Variants in NRXN3 observed in about 807,000 individuals in gnomAD.
The protein encoded by NRXN3 is neurexin 3, also known as neurexin III.
NRXN3 carries 32 observed loss-of-function variants against 137.6 expected under a neutral mutation model. The ratio of observed to expected loss-of-function variants is 0.23; its 90% CI spans 0.18 to 0.31. NRXN3 has a LOEUF of 0.31. Ranked by LOEUF, NRXN3 falls within the 10% of genes least tolerant of loss-of-function variation. NRXN3 has a pLI of 1.00. For missense variants in NRXN3, 1,574 were observed against 2,062.5 expected (o/e 0.76, Z 4.59); for synonymous variants, 798 against 784.5 (o/e 1.02, Z -0.29).
intron 15 of NRXN3, among the ~76,000 whole-genome samples, chr14:79,387,007 A>C (rs2153463232): frequency 6.6e-6 from 1 of 152,308 alleles, no homozygotes; most frequent in African/African-American, 2.4e-5. Context: ...CTCTAGAAGA[A>C]AACCTAGGCA....
chr14:78,827,716 C>T (rs973467719), intron 10 of NRXN3, among the ~76,000 whole-genome samples: 1 of 152,202 alleles, frequency 6.6e-6, no homozygotes, highest in Non-Finnish European at 1.5e-5. Flanking sequence ...TGATTTGGGG[C>T]ACTGCAGTGG....
At position 79,431,748 on chromosome 14, in the gene NRXN3, CCTTA is replaced by C. The variant is rs750079982; in HGVS notation, c.3263-35470_3263-35467del. ...TGTACATAAATTTAAAATGAACCTG[CCTTA>C]CTGTTTCTTTTAAAAAAATTAAGAA... On this transcript the variant is annotated intron_variant, in intron 15 of 20. Transcript: ENST00000335750. Among the ~76,000 whole-genome samples, 18 of 152,130 alleles carry C rather than the reference CCTTA, an allele frequency of 1.2e-4. No homozygotes were observed. The East Asian group carries it at 2.9e-3, about 24-fold the overall frequency.
At position 78,875,703 on chromosome 14, in the gene NRXN3, T is replaced by G. The variant is rs200783066; in HGVS notation, c.2275+65359T>G. Among the ~76,000 whole-genome samples, 3 of 152,234 alleles carry G rather than the reference T, an allele frequency of 2.0e-5. No homozygotes were observed. The East Asian group carries it at 5.8e-4, about 29-fold the overall frequency. ...ATTTTAAATACACAGTGTTTTTTTCTGAAAATGCTTTCTCAACCCAGTTAT... is the reference window on the plus strand; with the variant it reads ...ATTTTAAATACACAGTGTTTTTTTCGGAAAATGCTTTCTCAACCCAGTTAT... On this transcript the variant is annotated intron_variant, in intron 10 of 20. Coordinates refer to ENST00000335750, the MANE Select transcript of NRXN3 (RefSeq NM_001330195.2).
At chr14:78,484,043 G>GAT (rs2095520887) in intron 4 of NRXN3, among the ~76,000 whole-genome samples, 1 of 149,280 alleles carries the variant, frequency 6.7e-6, no homozygotes, top group African/African-American at 2.5e-5. Context: ...GAGAGAGAGA[G>GAT]AGAGAGCAAA....
chr14:79,793,498 TA>T (rs918919585), intron 19 of NRXN3, among the ~76,000 whole-genome samples: 11 of 152,230 alleles, frequency 7.2e-5, no homozygotes, highest in Middle Eastern at 3.2e-3. Flanking sequence ...TTCAGGAACA[TA>T]ATCTATTTGT....
intron 15 of NRXN3, among the ~76,000 whole-genome samples, chr14:79,203,313 A>G (rs1336942202): frequency 3.3e-5 from 5 of 152,202 alleles, no homozygotes; most frequent in Admixed American, 1.3e-4. Context: ...AAAAAAGGAT[A>G]TTAGATAGTT....
chr14:79,852,564 G>A (rs921752087), intron 20 of NRXN3, among the ~76,000 whole-genome samples: 1 of 151,980 alleles, frequency 6.6e-6, no homozygotes, highest in Non-Finnish European at 1.5e-5. Context: ...TACTTACGAC[G>A]TACATCCAGA....
chr14:79,410,272 AT>A, intron 15 of NRXN3, among the ~76,000 whole-genome samples: 1 of 152,082 alleles, frequency 6.6e-6, no homozygotes, highest in Non-Finnish European at 1.5e-5. Context: ...CTTCTCATTA[AT>A]TAGACCCTCA....
At chr14:78,540,502 A>G (rs1277496536) in intron 4 of NRXN3, among the ~76,000 whole-genome samples, 1 of 135,362 alleles carries the variant, frequency 7.4e-6, no homozygotes, top group Admixed American at 8.5e-5. Context: ...TTTTGAGCCT[A>G]TATGCATCTT....
intron 15 of NRXN3, among the ~76,000 whole-genome samples, chr14:79,388,934 T>C (rs1047467045): frequency 3.3e-5 from 5 of 152,174 alleles, no homozygotes; most frequent in African/African-American, 1.2e-4. Context: ...CCCTTGCACA[T>C]GCTCTCTTGC....
chr14:79,580,851 A>G (rs1259401158), intron 16 of NRXN3, among the ~76,000 whole-genome samples: 1 of 152,188 alleles, frequency 6.6e-6, no homozygotes, highest in Admixed American at 6.5e-5. Context: ...ACAGAATGAA[A>G]TAGAGTTGGG....
chr14:79,044,751 A>G (rs1448451943), intron 15 of NRXN3, among the ~76,000 whole-genome samples: 1 of 151,900 alleles, frequency 6.6e-6, no homozygotes, highest in Non-Finnish European at 1.5e-5. Context: ...TACAACCTGC[A>G]TCGTCTAATA....
chr14:79,608,903 C>T (rs556504427), intron 16 of NRXN3, among the ~76,000 whole-genome samples: 6 of 151,988 alleles, frequency 3.9e-5, no homozygotes, highest in African/African-American at 1.4e-4. Flanking sequence ...AACTTCAAGA[C>T]CCATTTCTAA....
intron 15 of NRXN3, among the ~76,000 whole-genome samples, chr14:79,287,074 G>C (rs2082389186): frequency 6.6e-6 from 1 of 152,140 alleles, no homozygotes; most frequent in Non-Finnish European, 1.5e-5. Context: ...ATCATTTGCT[G>C]GTTGGTAGAT....
chr14:78,365,968 A>G (rs1053921054), intron 4 of NRXN3, among the ~76,000 whole-genome samples: 2 of 152,196 alleles, frequency 1.3e-5, no homozygotes, highest in Admixed American at 6.5e-5. Context: ...CAAGTGGCTT[A>G]AAACTATGAA....
intron 4 of NRXN3, among the ~76,000 whole-genome samples, chr14:78,552,874 A>G (rs1360990106): frequency 6.6e-6 from 1 of 152,242 alleles, no homozygotes; most frequent in African/African-American, 2.4e-5. Context: ...TCTAGCATTA[A>G]GAAAATATTA....
chr14:79,274,096 C>T (rs868675499), intron 15 of NRXN3, among the ~76,000 whole-genome samples: 243 of 141,630 alleles, frequency 1.7e-3, no homozygotes, highest in African/African-American at 6.2e-3. Flanking sequence ...AGCAAGACTC[C>T]GTCTCAAAAA....
rs371507860 is a variant in NRXN3, at chr14:78,858,722, T to C, written c.2275+48378T>C. 8.9e-4 allele frequency among the ~76,000 whole-genome samples: 136 copies of C among 152,308 alleles called. 1 individual carries two copies. Among genetic ancestry groups the C allele is most frequent in the African/African-American group, 3.1e-3 (127 of 41,560 alleles). On this transcript the variant is annotated intron_variant, in intron 10 of 20. Coordinates refer to ENST00000335750, the MANE Select transcript of NRXN3 (RefSeq NM_001330195.2). Reference sequence around the variant, plus strand: ...AGTGGACTCAGGTTTCCGGAGGACTTTTTTGTTAACTGCTGATTGAACCTT... The same window carrying C: ...AGTGGACTCAGGTTTCCGGAGGACTCTTTTGTTAACTGCTGATTGAACCTT...
chr14:78,752,485 C>G (rs76995606), intron 8 of NRXN3, among the ~76,000 whole-genome samples: 2,793 of 152,216 alleles, frequency 0.018, 41 homozygotes, highest in Non-Finnish European at 0.028. Flanking sequence ...CCTATGTATG[C>G]CAAGCATTGG....
Sources: gnomAD v4.1 joint callset for allele counts (sites outside exome capture counted in the v4.1 genomes callset) on GRCh38, gnomAD v4.1.1 for gene constraint, MANE v1.5 for transcripts, NCBI Gene and HGNC (gene_info 2026-07-23, HGNC 2026-07-21) for gene names.